Variants in SETX observed in about 807,000 individuals in gnomAD.
The protein encoded by SETX is helicase senataxin.
A neutral mutation model predicts 227.2 loss-of-function variants in SETX; 90 were observed. The observed-to-expected ratio is 0.40, with a 90% confidence interval of 0.33 to 0.47. The LOEUF (loss-of-function observed/expected upper bound fraction) is 0.47, where lower values mean the gene tolerates loss of function less well. Ranked by LOEUF, SETX falls within the 20% of genes least tolerant of loss-of-function variation. SETX has a pLI of 0.91. For synonymous variants in SETX, 1,210 were observed against 1,113.2 expected (o/e 1.09, Z -1.73); for missense variants, 3,052 against 3,181.5 (o/e 0.96, Z 0.98).
At chr9:132,294,479 G>C (rs1166065665) in intron 15 of SETX, among the ~76,000 whole-genome samples, 1 of 152,168 alleles carries the variant, frequency 6.6e-6, no homozygotes, top group Non-Finnish European at 1.5e-5. Context: ...AAGGCAAGTG[G>C]AAAAAAGTAA....
At position 132,349,447 on chromosome 9, in the gene SETX, A is replaced by G. The variant is rs2131576469; in HGVS notation, c.-7-12T>C. On this transcript the variant is annotated splice_polypyrimidine_tract_variant and intron_variant, in intron 2 of 25. Coordinates refer to ENST00000224140, the MANE Select transcript of SETX (RefSeq NM_015046.7). ...TGCTCATTCTGTACCTACAGCCAGA[A>G]AAGATGACATCAAGAAGAAAACCAA... 4 of 1,614,082 alleles carry G rather than the reference A, an allele frequency of 2.5e-6. No homozygotes were observed. Among genetic ancestry groups the G allele is most frequent in the Admixed American group, 1.7e-5 (1 of 60,008 alleles).
At chr9:132,348,568 C>T (rs1848439136) in intron 3 of SETX, among the ~76,000 whole-genome samples, 2 of 151,978 alleles carry the variant, frequency 1.3e-5, no homozygotes, top group African/African-American at 2.4e-5. Flanking sequence ...CAATTCCATC[C>T]GTGATAAACA....
Position 132,326,954 on chromosome 9 carries a change from C to T in SETX, c.4644G>A (p.Lys1548=). ...RPQLESLSGT[K]CKYKDCLETT... is the part of the protein sequence containing the mutation. Reference sequence around the variant, plus strand: ...TTTCAAGACAATCTTTGTACTTACACTTTGTGCCACTCAAAGATTCCAACT... The same window carrying T: ...TTTCAAGACAATCTTTGTACTTACATTTTGTGCCACTCAAAGATTCCAACT... Residue 1548 remains lysine (K), a synonymous_variant, in exon 10 of 26, where the codon AAG becomes AAA. Coordinates refer to ENST00000224140, the MANE Select transcript of SETX (RefSeq NM_015046.7). 6.2e-7 allele frequency: 1 copy of T among 1,614,212 alleles called. No individual in the cohort carries two copies. Among genetic ancestry groups the T allele is most frequent in the Non-Finnish European group, 8.5e-7 (1 of 1,180,040 alleles).
intron 6 of SETX, among the ~76,000 whole-genome samples, chr9:132,335,184 A>C (rs1334133976): frequency 6.6e-6 from 1 of 151,670 alleles, no homozygotes; most frequent in Non-Finnish European, 1.5e-5. Context: ...AAGTCAGGAG[A>C]TCGAGACCAT....
chr9:132,355,141 C>T (rs1047990099), upstream of SETX, among the ~76,000 whole-genome samples: 1 of 152,138 alleles, frequency 6.6e-6, no homozygotes, highest in African/African-American at 2.4e-5. Flanking sequence ...CCGCGGTGCA[C>T]CGCCCACGCC....
chr9:132,313,248 A>G (rs1476772428), intron 10 of SETX, among the ~76,000 whole-genome samples: 1 of 152,234 alleles, frequency 6.6e-6, no homozygotes, highest in Non-Finnish European at 1.5e-5. Context: ...TACCTTAATA[A>G]AGCTGTTAAA....
chr9:132,279,671 T>C (rs1346227809), intron 20 of SETX, among the ~76,000 whole-genome samples: 1 of 152,220 alleles, frequency 6.6e-6, no homozygotes, highest in East Asian at 1.9e-4. Flanking sequence ...CATGCCAATT[T>C]TCCCTAAATC....
rs148824283 is a variant in SETX, at chr9:132,342,957, T to C, written c.389-158A>G. ...GCTTATATTGTAAATGCAGGAACAA[T>C]ATTTACCTGACAGGCTAAATCCGTT... is the stretch of plus-strand genomic sequence containing the variant. On this transcript the variant is annotated intron_variant, in intron 4 of 25. Transcript: ENST00000224140. Among the ~76,000 whole-genome samples, 829 of 152,318 alleles carry C rather than the reference T, an allele frequency of 5.4e-3. 15 individuals are homozygous for C. The highest frequency in any genetic ancestry group is 0.019 in the African/African-American group (775 of 41,566).
chr9:132,282,095 T>C (rs530385516), intron 19 of SETX, among the ~76,000 whole-genome samples: 79 of 146,604 alleles, frequency 5.4e-4, no homozygotes, highest in Non-Finnish European at 1.1e-3. Flanking sequence ...TCTCCAAACA[T>C]GTCTAAAAAA....
intron 20 of SETX, among the ~76,000 whole-genome samples, chr9:132,280,540 T>C (rs935339659): frequency 6.6e-6 from 1 of 152,182 alleles, no homozygotes; most frequent in African/African-American, 2.4e-5. Context: ...CATGATCATG[T>C]ACCTGCGCTC....
At chr9:132,335,531 G>A (rs977761397) in intron 6 of SETX, among the ~76,000 whole-genome samples, 1 of 150,390 alleles carries the variant, frequency 6.6e-6, no homozygotes, top group Non-Finnish European at 1.5e-5. Flanking sequence ...AGGCTGGAGT[G>A]CAGTAGCACA....
intron 3 of SETX, 95 bp from the exon 4 acceptor site, chr9:132,346,566 A>C (rs1848304905): frequency 2.4e-6 from 2 of 846,506 alleles, no homozygotes; most frequent in Admixed American, 2.2e-5. Context: ...CTAAGTACAA[A>C]AATTCTGAAA....
chr9:132,329,814 A>G lies in SETX; in HGVS notation c.1784T>C (p.Ile595Thr). The G allele has an allele frequency of 6.2e-7, 1 of 1,613,950 alleles. No individual in the cohort carries two copies. Among genetic ancestry groups the G allele is most frequent in the Non-Finnish European group, 8.5e-7 (1 of 1,179,950 alleles). ...QSCLKQIIRN[I>T]KFKAPPCNTF... Reference sequence around the variant, plus strand: ...GTTACATGGAGGTGCTTTGAATTTTATGTTTCTAATAATTTGCTTTAAGCA... The same window carrying G: ...GTTACATGGAGGTGCTTTGAATTTTGTGTTTCTAATAATTTGCTTTAAGCA... Residue 595 changes from isoleucine (I) to threonine (T), a missense_variant, in exon 10 of 26, where the codon ATA becomes ACA. Transcript: ENST00000224140.
intron 10 of SETX, among the ~76,000 whole-genome samples, chr9:132,323,546 G>C (rs557230169): frequency 1.6e-4 from 23 of 146,432 alleles, no homozygotes; most frequent in Admixed American, 1.3e-3. Context: ...TCCTGAAGCA[G>C]GAAACAGAAA....
At chr9:132,269,363 A>G in intron 25 of SETX, 2 of 1,416,904 alleles carry the variant, frequency 1.4e-6, no homozygotes, top group Non-Finnish European at 1.9e-6. Flanking sequence ...CTTCTTAACA[A>G]TAATCCTATG....
intron 3 of SETX, among the ~76,000 whole-genome samples, chr9:132,348,373 C>CAAAAAAAAAAAA (rs11376483): frequency 8.2e-6 from 1 of 122,442 alleles, no homozygotes; most frequent in Non-Finnish European, 1.6e-5. Flanking sequence ...AAAAAAAAAA[C>CAAAAAAAAAAAA]AAAACAAAAA....
At chr9:132,323,959 G>A (rs1033521417) in intron 10 of SETX, among the ~76,000 whole-genome samples, 1 of 151,960 alleles carries the variant, frequency 6.6e-6, no homozygotes, top group East Asian at 1.9e-4. Flanking sequence ...GACTCATTAA[G>A]AATAGAAAAT....
chr9:132,345,269 AATTATT>A (rs972228600), intron 4 of SETX, among the ~76,000 whole-genome samples: 4 of 152,152 alleles, frequency 2.6e-5, no homozygotes, highest in Non-Finnish European at 5.9e-5. Context: ...CAAGAATGAA[AATTATT>A]ATTATTACTA....
At chr9:132,344,927 C>A (rs908986656) in intron 4 of SETX, among the ~76,000 whole-genome samples, 2 of 149,726 alleles carry the variant, frequency 1.3e-5, no homozygotes, top group Non-Finnish European at 3.0e-5. Flanking sequence ...AATGCCTTTA[C>A]TTTCAAGAGA....
Sources: allele counts gnomAD v4.1 joint callset (sites outside exome capture counted in the v4.1 genomes callset), GRCh38; gene constraint gnomAD v4.1.1; transcripts MANE v1.5; gene names NCBI Gene and HGNC (gene_info 2026-07-23, HGNC 2026-07-21).